Variants in SUSD6 observed in about 807,000 individuals in gnomAD.
SUSD6 encodes sushi domain-containing protein 6.
SUSD6 carries 16 observed loss-of-function variants against 28.4 expected under a neutral mutation model. The ratio of observed to expected loss-of-function variants is 0.56; its 90% CI spans 0.38 to 0.86. The LOEUF (loss-of-function observed/expected upper bound fraction) is 0.86, where lower values mean the gene tolerates loss of function less well. Among genes scored for constraint, SUSD6 ranks in the 40% least tolerant of loss-of-function variants. The probability of loss-of-function intolerance (pLI) is 0.00; values close to 1 mark genes in which losing one functional copy is unlikely to be tolerated. For missense variants in SUSD6, 341 were observed against 384.2 expected, an observed-to-expected ratio of 0.89 and a Z score of 0.94; for synonymous variants, 147 against 159.6, an observed-to-expected ratio of 0.92 and a Z score of 0.59.
intron 1 of SUSD6, among the ~76,000 whole-genome samples, chr14:69,633,436 T>C (rs1885222936): frequency 6.6e-6 from 1 of 152,256 alleles, no homozygotes; most frequent in Non-Finnish European, 1.5e-5. Flanking sequence ...CTATCTAGCA[T>C]GTTTGCTTCG....
At position 69,713,780 on chromosome 14, in the gene SUSD6, C is replaced by T. The variant is rs972964232; in HGVS notation, c.*2801C>T. 1.3e-5 allele frequency: 2 copies of T among 151,872 alleles called. No individual in the cohort carries two copies. Among genetic ancestry groups the T allele is most frequent in the Non-Finnish European group, 2.9e-5 (2 of 68,046 alleles). 9.4% of individuals were successfully genotyped at this position (151,872 alleles called of 1,614,324 possible). The stretch of plus-strand genomic sequence containing the variant: ...GGCTGATGCAGGAGAATGGCCAGCA[C>T]CAAAGGACATTTAAAAGAGTTTTTG... On this transcript the variant is annotated 3_prime_UTR_variant, in exon 6 of 6. Coordinates refer to ENST00000342745, the MANE Select transcript of SUSD6 (RefSeq NM_014734.4).
chr14:69,676,449 G>A lies in SUSD6; in HGVS notation c.121+17736G>A, dbSNP rs561925596. ...AGATTGGAGTGTGGTGGGTAATCAC[G>A]GCTCATTGCAGCCTCCACCTCCTGG... On this transcript the variant is annotated intron_variant, in intron 2 of 5. Transcript: ENST00000342745. Among the ~76,000 whole-genome samples, 6 of 151,616 alleles carry A rather than the reference G, an allele frequency of 4.0e-5. No individual in the cohort carries two copies. The South Asian group carries it at 1.0e-3, about 26-fold the overall frequency.
Position 69,704,668 on chromosome 14 carries a change from C to G in SUSD6, c.384C>G (p.Ser128=). Residue 128 remains serine (S), a synonymous_variant, in exon 4 of 6, where the codon TCC becomes TCG. Transcript: ENST00000342745. ...CTATAGTGGCTTCTACTGCCAGCTC[C>G]GTGGCGCTCATTCTCCTCCTCGTGG... ...TLSIVASTAS[S]VALILLLVVL... 6.2e-7 allele frequency: 1 copy of G among 1,614,158 alleles called. No homozygotes were observed. Among genetic ancestry groups the G allele is most frequent in the Non-Finnish European group, 8.5e-7 (1 of 1,180,016 alleles).
chr14:69,703,801 C>T (rs886830948), intron 3 of SUSD6: 5 of 600,180 alleles, frequency 8.3e-6, no homozygotes, highest in Admixed American at 5.8e-5. Flanking sequence ...TTCATTGAGC[C>T]ATCTGCCCTG....
intron 1 of SUSD6, among the ~76,000 whole-genome samples, chr14:69,633,944 A>C (rs975631552): frequency 3.9e-5 from 6 of 152,234 alleles, no homozygotes; most frequent in Non-Finnish European, 8.8e-5. Flanking sequence ...GGTGGCCTGG[A>C]GCACAGCAGC....
At chr14:69,644,941 G>C (rs1442737457) in intron 1 of SUSD6, among the ~76,000 whole-genome samples, 1 of 152,196 alleles carries the variant, frequency 6.6e-6, no homozygotes, top group African/African-American at 2.4e-5. Flanking sequence ...GGGTATAGGT[G>C]GCGGCAGGGG....
chr14:69,658,251 G>T (rs1457911739), intron 1 of SUSD6, among the ~76,000 whole-genome samples: 11 of 152,222 alleles, frequency 7.2e-5, no homozygotes. Flanking sequence ...GAGCTGGGCA[G>T]TTTCTGAAAG....
At chr14:69,678,833 G>T (rs1885955742) in intron 2 of SUSD6, among the ~76,000 whole-genome samples, 1 of 152,054 alleles carries the variant, frequency 6.6e-6, no homozygotes, top group African/African-American at 2.4e-5. Flanking sequence ...CAAAAGAAAA[G>T]AAGTTGTTAA....
At chr14:69,701,213 T>G (rs546681270) in intron 2 of SUSD6, among the ~76,000 whole-genome samples, 8 of 152,218 alleles carry the variant, frequency 5.3e-5, no homozygotes, top group African/African-American at 1.4e-4. Context: ...CTCACTTTTT[T>G]TTTTTTTTGA....
intron 1 of SUSD6, among the ~76,000 whole-genome samples, chr14:69,619,693 C>A (rs189322813): frequency 1.3e-5 from 2 of 152,176 alleles, no homozygotes; most frequent in East Asian, 3.9e-4. Flanking sequence ...ATCGCTTGAG[C>A]TTGGGAAGTC....
At position 69,703,411 on chromosome 14, in the gene SUSD6, G is replaced by A. The variant is rs180722385; in HGVS notation, c.138G>A (p.Pro46=). The change falls in exon 3 of 6, where the codon CCG becomes CCA. Residue 46 remains proline (P), a synonymous_variant. Transcript: ENST00000342745. ...DGLASVCPLP[P]EPENGGYICH... ...TCTTTGCAGTGTGCCCCCTACCACC[G>A]GAGCCAGAGAATGGTGGCTACATCT... The A allele has an allele frequency of 1.2e-3, 1,860 of 1,613,784 alleles. 1 individual carries two copies. The highest frequency in any genetic ancestry group is 1.5e-3 in the Non-Finnish European group (1,718 of 1,179,940).
Position 69,658,527 on chromosome 14 carries a change from G to C in SUSD6, c.-66G>C. 1.3e-6 allele frequency: 2 copies of C among 1,568,222 alleles called. No homozygotes were observed. Among genetic ancestry groups the C allele is most frequent in the Non-Finnish European group, 1.7e-6 (2 of 1,146,374 alleles). On this transcript the variant is annotated 5_prime_UTR_variant, in exon 2 of 6. Transcript: ENST00000342745. ...GTTTGTTACAGGTGAATCAGCTCCC[G>C]GCCGACTTTAGGATTCTTCTGGATT...
chr14:69,619,104 G>A (rs1270519246), intron 1 of SUSD6, among the ~76,000 whole-genome samples: 1 of 152,190 alleles, frequency 6.6e-6, no homozygotes, highest in Non-Finnish European at 1.5e-5. Flanking sequence ...TTTCCCTCCC[G>A]GTGTGATCAC....
chr14:69,704,346 G>C (rs1223514357), intron 3 of SUSD6, among the ~76,000 whole-genome samples: 1 of 152,212 alleles, frequency 6.6e-6, no homozygotes, highest in Non-Finnish European at 1.5e-5. Flanking sequence ...GGTTAAGTGA[G>C]TTTATGTGTC....
chr14:69,649,018 A>C (rs918528854), intron 1 of SUSD6, among the ~76,000 whole-genome samples: 6 of 152,132 alleles, frequency 3.9e-5, no homozygotes, highest in African/African-American at 1.4e-4. Flanking sequence ...GTCCAACTCA[A>C]AGCTTTCTCT....
chr14:69,665,828 T>G (rs912793421), intron 2 of SUSD6, among the ~76,000 whole-genome samples: 3 of 152,258 alleles, frequency 2.0e-5, no homozygotes, highest in African/African-American at 7.2e-5. Flanking sequence ...CTTGCATTCC[T>G]TGCTGCTTGT....
At chr14:69,696,839 G>A (rs1369486384) in intron 2 of SUSD6, among the ~76,000 whole-genome samples, 2 of 152,182 alleles carry the variant, frequency 1.3e-5, no homozygotes, top group Non-Finnish European at 2.9e-5. Context: ...CCAGGAGAGG[G>A]TCCTTGGATC....
rs774933943 is a variant in SUSD6, at chr14:69,708,762, T to A, written c.544T>A (p.Tyr182Asn). The change falls in exon 5 of 6, where the codon TAT becomes AAT. Residue 182 changes from tyrosine (Y) to asparagine (N), a missense_variant. Tyr to Asn is a moderately radical substitution (Grantham distance 143, BLOSUM62 -2). Coordinates refer to ENST00000342745, the MANE Select transcript of SUSD6 (RefSeq NM_014734.4). ...ACTACCATCATACGAGGAGGCTGTA[T>A]ATGGCAGTTCTGGTCACTGTGTGCC... Reference protein sequence around the residue: ...VALPSYEEAVYGSSGHCVPPA... With the variant: ...VALPSYEEAVNGSSGHCVPPA... 5 of 1,614,112 alleles carry A rather than the reference T, an allele frequency of 3.1e-6. 1 individual carries two copies. In the South Asian group the frequency reaches 5.5e-5, roughly 18 times the overall value.
chr14:69,665,318 G>T (rs56675062), intron 2 of SUSD6, among the ~76,000 whole-genome samples: 6,992 of 152,128 alleles, frequency 0.046, 250 homozygotes, highest in South Asian at 0.16. Flanking sequence ...ACAGCTCACC[G>T]CAACTTCTGC....
Sources: allele counts gnomAD v4.1 joint callset (sites outside exome capture counted in the v4.1 genomes callset), GRCh38; gene constraint gnomAD v4.1.1; transcripts MANE v1.5; gene names NCBI Gene and HGNC (gene_info 2026-07-23, HGNC 2026-07-21).